SNX8: variants seen among roughly 807,000 people sequenced by gnomAD.
SNX8 encodes the protein sorting nexin-8.
SNX8 carries 25 observed loss-of-function variants against 51.6 expected under a neutral mutation model. The ratio of observed to expected loss-of-function variants is 0.48; its 90% CI spans 0.35 to 0.68. The LOEUF (loss-of-function observed/expected upper bound fraction) is 0.68. Ranked by LOEUF, SNX8 falls within the 30% of genes least tolerant of loss-of-function variation. The probability of loss-of-function intolerance (pLI) is 0.00; values close to 1 mark genes in which losing one functional copy is unlikely to be tolerated. For synonymous variants in SNX8, 324 were observed against 277.0 expected, an observed-to-expected ratio of 1.17 and a Z score of -1.68; for missense variants, 695 against 624.0, an observed-to-expected ratio of 1.11 and a Z score of -1.21.
At chr7:2,330,501 T>G (rs529538950) in intron 1 of SNX8, among the ~76,000 whole-genome samples, 4 of 152,052 alleles carry the variant, frequency 2.6e-5, no homozygotes, top group South Asian at 4.1e-4. Context: ...TGTGAGCCAC[T>G]CCAGCAAATT....
At chr7:2,271,764 G>T in intron 4 of SNX8, 86 bp downstream of exon 4, 1 of 1,483,948 alleles carries the variant, frequency 6.7e-7, no homozygotes, top group Non-Finnish European at 9.1e-7. Flanking sequence ...AGGAGGATAA[G>T]AAACCACACC....
chr7:2,282,041 ACCCTGGGAGGG>A lies in SNX8; in HGVS notation c.95-3747_95-3737del, dbSNP rs765561479. Among the ~76,000 whole-genome samples the A allele has an allele frequency of 3.5e-4, 53 of 152,144 alleles. 1 individual carries two copies. The highest frequency in any genetic ancestry group is 4.4e-4 in the Non-Finnish European group (30 of 68,030). ...TGAAATGCCGCTCACTATCTGTGAGACCCTGGGAGGGAAGCAGCCCCTCAGATCCCAGGCCA... is the reference window on the plus strand; with the variant it reads ...TGAAATGCCGCTCACTATCTGTGAGAAAGCAGCCCCTCAGATCCCAGGCCA... On this transcript the variant is annotated intron_variant, in intron 1 of 10. Coordinates refer to ENST00000222990, the MANE Select transcript of SNX8 (RefSeq NM_013321.4).
At chr7:2,256,816 G>A in intron 10 of SNX8, 58 bp downstream of exon 10, 1 of 1,557,108 alleles carries the variant, frequency 6.4e-7, no homozygotes, top group Non-Finnish European at 8.7e-7. Context: ...TTGAAGGAAG[G>A]GCGGAGGGAC....
chr7:2,283,742 T>G (rs1795960653), intron 1 of SNX8, among the ~76,000 whole-genome samples: 1 of 152,180 alleles, frequency 6.6e-6, no homozygotes, highest in Non-Finnish European at 1.5e-5. Flanking sequence ...CACAGAGGGC[T>G]GGGCCCACTC....
chr7:2,285,393 C>CA (rs1218564807), intron 1 of SNX8, among the ~76,000 whole-genome samples: 1 of 151,816 alleles, frequency 6.6e-6, no homozygotes, highest in Non-Finnish European at 1.5e-5. Context: ...AGTCTCAAAA[C>CA]AAAAAAACTT....
At chr7:2,271,663 G>T (rs950783849) in intron 4 of SNX8, among the ~76,000 whole-genome samples, 187 bp downstream of exon 4, 1 of 152,104 alleles carries the variant, frequency 6.6e-6, no homozygotes, top group South Asian at 2.1e-4. Flanking sequence ...TCAACACCAG[G>T]GACACCTCTG....
chr7:2,343,592 G>A (rs1021954849), intron 1 of SNX8, among the ~76,000 whole-genome samples: 30 of 151,984 alleles, frequency 2.0e-4, no homozygotes, highest in Admixed American at 3.9e-4. Flanking sequence ...GGAGAATGGC[G>A]TAAACCCGGG....
chr7:2,319,403 T>C (rs1402208455), upstream of SNX8, among the ~76,000 whole-genome samples: 1 of 152,152 alleles, frequency 6.6e-6, no homozygotes, highest in African/African-American at 2.4e-5. Context: ...CTCACGCCTG[T>C]AATCCCAGCA....
At chr7:2,269,674 T>C (rs772739170) in intron 4 of SNX8, 35 bp from the exon 5 acceptor site, 4 of 1,472,156 alleles carry the variant, frequency 2.7e-6, no homozygotes, top group Non-Finnish European at 3.7e-6. Flanking sequence ...CACCCTCTTC[T>C]ACTAGCAGCA....
At chr7:2,280,325 T>G (rs1795881165) in intron 1 of SNX8, among the ~76,000 whole-genome samples, 1 of 152,142 alleles carries the variant, frequency 6.6e-6, no homozygotes, top group South Asian at 2.1e-4. Flanking sequence ...GTTTCTCATT[T>G]TTTTTGTTTT....
chr7:2,292,107 T>TA (rs1796163563), intron 1 of SNX8, among the ~76,000 whole-genome samples: 1 of 151,928 alleles, frequency 6.6e-6, no homozygotes, highest in Non-Finnish European at 1.5e-5. Flanking sequence ...CTACTAAAAA[T>TA]ACGAAATTAG....
At chr7:2,353,211 C>T (rs1278855394) in intron 1 of SNX8, among the ~76,000 whole-genome samples, 1 of 151,954 alleles carries the variant, frequency 6.6e-6, no homozygotes, top group East Asian at 1.9e-4. Flanking sequence ...CTGAACTGTA[C>T]ACTAAATTGC....
At chr7:2,272,098 T>C in intron 3 of SNX8, 127 bp from the exon 4 acceptor site, 7 of 1,325,534 alleles carry the variant, frequency 5.3e-6, no homozygotes, top group Non-Finnish European at 6.2e-6. Flanking sequence ...GGGCACTGGC[T>C]GGGCCCCCAG....
At chr7:2,272,854 A>G (rs970541296) in intron 3 of SNX8, among the ~76,000 whole-genome samples, 1 of 151,770 alleles carries the variant, frequency 6.6e-6, no homozygotes, top group Non-Finnish European at 1.5e-5. Flanking sequence ...TTTTTTTGAG[A>G]CGGAGTTTCA....
Position 2,290,414 on chromosome 7 carries a change from GA to G in SNX8, c.95-12110del, listed in dbSNP as rs1404987421. ...AGATACTCCAGAGGCTGAGGCACGA[GA>G]ATCTCTTGAACCCAGGAGGTAGAAG... On this transcript the variant is annotated intron_variant, in intron 1 of 10. Coordinates refer to ENST00000222990, the MANE Select transcript of SNX8 (RefSeq NM_013321.4). Among the ~76,000 whole-genome samples the G allele has an allele frequency of 4.0e-5, 6 of 151,436 alleles. No homozygotes were observed. The East Asian group carries it at 7.8e-4, about 20-fold the overall frequency.
chr7:2,300,493 G>C (rs1226730063), intron 1 of SNX8, among the ~76,000 whole-genome samples: 1 of 151,580 alleles, frequency 6.6e-6, no homozygotes, highest in Non-Finnish European at 1.5e-5. Flanking sequence ...GCTCACTGTA[G>C]CCTCAGTCTC....
chr7:2,256,001 C>T (rs1254296001), intron 10 of SNX8, among the ~76,000 whole-genome samples: 2 of 152,214 alleles, frequency 1.3e-5, no homozygotes, highest in Non-Finnish European at 2.9e-5. Context: ...TTCCTCACCA[C>T]CACAATAAAA....
intron 1 of SNX8, among the ~76,000 whole-genome samples, chr7:2,337,785 CA>C (rs1452064015): frequency 1.5e-5 from 2 of 137,802 alleles, no homozygotes; most frequent in African/African-American, 5.3e-5. Context: ...AACAAGTATG[CA>C]AAAGACCTCT....
chr7:2,291,941 T>C (rs1210115392), intron 1 of SNX8, among the ~76,000 whole-genome samples: 1 of 152,232 alleles, frequency 6.6e-6, no homozygotes, highest in Non-Finnish European at 1.5e-5. Context: ...ACACGTCTAA[T>C]GACGGACAAC....
Sources: allele counts gnomAD v4.1 joint callset (sites outside exome capture counted in the v4.1 genomes callset), GRCh38; gene constraint gnomAD v4.1.1; transcripts MANE v1.5; gene names NCBI Gene and HGNC (gene_info 2026-07-23, HGNC 2026-07-21).